PLEC: variants seen among roughly 807,000 people sequenced by gnomAD.
PLEC encodes the protein plectin.
A neutral mutation model predicts 392.8 loss-of-function variants in PLEC; 216 were observed. The ratio of observed to expected loss-of-function variants is 0.55; its 90% CI spans 0.49 to 0.62. The LOEUF is 0.62. PLEC is among the 20% of genes least tolerant of loss of function. The pLI is 0.00. For missense variants in PLEC, 6,863 were observed against 6,563.4 expected, an observed-to-expected ratio of 1.05 and a Z score of -1.58; for synonymous variants, 3,621 against 2,980.6, an observed-to-expected ratio of 1.21 and a Z score of -7.00.
intron 30 of PLEC, among the ~76,000 whole-genome samples, chr8:143,926,379 G>A (rs1454801124): frequency 6.6e-6 from 1 of 152,202 alleles, no homozygotes; most frequent in Admixed American, 6.5e-5. Flanking sequence ...CCACGCAGAA[G>A]GTAGGGAGAA....
upstream of PLEC, chr8:143,953,978 C>G (rs1161646831): frequency 2.1e-5 from 27 of 1,282,426 alleles, no homozygotes; most frequent in South Asian, 6.9e-5. Flanking sequence ...ACCCCTCCCC[C>G]CCAGCCTGTG....
intron 1 of PLEC, among the ~76,000 whole-genome samples, chr8:143,945,466 G>C (rs1197430628): frequency 6.6e-6 from 1 of 152,184 alleles, no homozygotes; most frequent in African/African-American, 2.4e-5. Flanking sequence ...ACAGGACGTG[G>C]GACACGCACA....
upstream of PLEC, among the ~76,000 whole-genome samples, chr8:143,958,306 C>G (rs1313243235): frequency 1.3e-5 from 2 of 152,132 alleles, no homozygotes; most frequent in Non-Finnish European, 2.9e-5. This position sits in a 1 kb window ranked among gnomAD's most constrained non-coding sequence, Gnocchi z 4.9. Flanking sequence ...ACCAGGGCTG[C>G]TGGGAGTCCC....
chr8:143,958,706 A>C (rs1463903464), upstream of PLEC: 6 of 450,776 alleles, frequency 1.3e-5, no homozygotes, highest in African/African-American at 1.2e-4. This position sits in a 1 kb window ranked among gnomAD's most constrained non-coding sequence, Gnocchi z 4.9. Flanking sequence ...GCTCTGCTGC[A>C]GCAGGGTGGA....
rs1554732193 is a variant in PLEC, at chr8:143,946,333, A to G, written c.523+3851T>C. ...CTCTCCTCTGCCTCCCACAGCCCCC[A>G]GCTCTGCCTGCCCTACCTTGGCCCA... On this transcript the variant is annotated intron_variant, in intron 1 of 31. Coordinates refer to the PLEC transcript ENST00000322810. The G allele has an allele frequency of 2.3e-6, 3 of 1,287,608 alleles. No individual in the cohort carries two copies. In the South Asian group the frequency reaches 3.7e-5, roughly 16 times the overall value. 79.8% of individuals were successfully genotyped at this position (1,287,608 alleles called of 1,614,324 possible). A position where few individuals can be genotyped will look rare whatever the true frequency, so the allele number is the denominator to read the frequency against.
upstream of PLEC, among the ~76,000 whole-genome samples, chr8:143,957,809 A>T (rs1204563820): frequency 2.0e-5 from 1 of 49,380 alleles, no homozygotes; most frequent in Non-Finnish European, 4.3e-5. Context: ...ACGCCCACCC[A>T]CCCACCCAGC....
rs1554722025 is a variant in PLEC at position 143,935,181 on chromosome 8, A to C, written c.718+17T>G. 3 of 1,611,584 alleles carry C rather than the reference A, an allele frequency of 1.9e-6. No homozygotes were observed. Among genetic ancestry groups the C allele is most frequent in the Non-Finnish European group, 2.5e-6 (3 of 1,178,922 alleles). On this transcript the variant is annotated intron_variant, in intron 7 of 31. Transcript: ENST00000345136. ...GCAGCAGGGGAAGGGACAGGGAGGAAGGCCACGCAGACGTACCCTCAGGGT... is the reference window on the plus strand; with the variant it reads ...GCAGCAGGGGAAGGGACAGGGAGGACGGCCACGCAGACGTACCCTCAGGGT...
Position 143,919,288 on chromosome 8 carries a change from G to C in PLEC, c.10533C>G (p.Gly3511=), listed in dbSNP as rs782720434. 1 of 1,614,046 alleles carries C rather than the reference G, an allele frequency of 6.2e-7. No individual in the cohort carries two copies. The highest frequency in any genetic ancestry group is 8.5e-7 in the Non-Finnish European group (1 of 1,180,042). ...VLADPSDDTK[G]FFDPNTHENL... is the part of the protein sequence containing the mutation. ...TCTCATGCGTGTTGGGGTCAAAGAA[G>C]CCCTTGGTGTCGTCGCTGGGGTCCG... The change falls in exon 32 of 32, where the codon GGC becomes GGG. Residue 3511 remains glycine, a synonymous_variant. Coordinates refer to ENST00000345136, the MANE Select transcript of PLEC (RefSeq NM_201384.3).
In PLEC at chr8:143,922,869, C is replaced by A. The variant is rs868954173; in HGVS notation, c.7060G>T (p.Ala2354Ser). The A allele has an allele frequency of 1.3e-6, 2 of 1,581,236 alleles. No individual in the cohort carries two copies. The highest frequency in any genetic ancestry group is 8.6e-7 in the Non-Finnish European group (1 of 1,164,872). The change falls in exon 31 of 32, where the codon GCG becomes TCG. Residue 2354 changes from alanine (A) to serine (S), a missense_variant. Ala to Ser is a moderately conservative substitution (Grantham distance 99). Transcript: ENST00000345136. The part of the protein sequence containing the change: ...RRLQEDKEQM[A>S]QQLAEETQGF... The stretch of plus-strand genomic sequence containing the variant: ...TGCGTCTCCTCCGCCAGCTGCTGCG[C>A]CATCTGCTCCTTGTCCTCCTGCAGC...
upstream of PLEC, among the ~76,000 whole-genome samples, chr8:143,955,029 G>A (rs781819626): frequency 1.9e-4 from 29 of 152,186 alleles, no homozygotes; most frequent in Admixed American, 3.3e-4. Flanking sequence ...AGGGCCAGAA[G>A]CCAGCCCCAC....
chr8:143,939,186 G>A (rs1426320264), intron 1 of PLEC, among the ~76,000 whole-genome samples, 164 bp downstream of exon 1: 4 of 152,184 alleles, frequency 2.6e-5, no homozygotes, highest in Non-Finnish European at 4.4e-5. Context: ...CCTCGCGGGC[G>A]CCTGTCGGCC....
At chr8:143,966,458 T>TGCCGCAGGCACATCCTCTCC (rs1833096414) in intron 1 of PLEC, among the ~76,000 whole-genome samples, 1 of 152,240 alleles carries the variant, frequency 6.6e-6, no homozygotes, top group South Asian at 2.1e-4. Context: ...CCGCCCTCTC[T>TGCCGCAGGCACATCCTCTCC]GCCGCAGGCA....
At chr8:143,971,519 A>G (rs1833430466) in intron 1 of PLEC, among the ~76,000 whole-genome samples, 1 of 152,054 alleles carries the variant, frequency 6.6e-6, no homozygotes, top group African/African-American at 2.4e-5. Flanking sequence ...GGGCTCACAG[A>G]GGTCAGGCCT....
chr8:143,958,048 T>G (rs886226798), upstream of PLEC, among the ~76,000 whole-genome samples: 1 of 152,138 alleles, frequency 6.6e-6, no homozygotes, highest in Non-Finnish European at 1.5e-5. The surrounding 1 kb of genome is among the most constrained non-coding windows in gnomAD (Gnocchi z 4.9). Context: ...CACAGACCCC[T>G]GCTCTGCTCC....
At chr8:143,926,156 GGAGA>G (rs782681817) in intron 30 of PLEC, among the ~76,000 whole-genome samples, 15 of 152,206 alleles carry the variant, frequency 9.9e-5, no homozygotes, top group African/African-American at 3.4e-4. Flanking sequence ...AGACGGACGG[GGAGA>G]GAGAGAGCAA....
At chr8:143,950,403 G>T (rs567356736) in exon 1 of PLEC, 272 of 1,605,782 alleles carry the variant, frequency 1.7e-4, no homozygotes, top group Non-Finnish European at 2.2e-4. Context: ...GCGACGGGGC[G>T]GCGCACGCGC....
At chr8:143,944,501 A>C, upstream of PLEC, 1 of 474,896 alleles carries the variant, frequency 2.1e-6, no homozygotes, top group Non-Finnish European at 3.7e-6. Flanking sequence ...ACCAGGGCTG[A>C]GGGGGTCTGG....
intron 9 of PLEC, 38 bp downstream of exon 9, chr8:143,934,772 G>C (rs1554721369): frequency 8.7e-6 from 14 of 1,611,982 alleles, no homozygotes; most frequent in Non-Finnish European, 1.2e-5. Context: ...CGGGCTCTCA[G>C]GGCAGGCCCA....
upstream of PLEC, chr8:143,942,409 T>G (rs782621875): frequency 5.6e-6 from 9 of 1,606,970 alleles, no homozygotes; most frequent in Non-Finnish European, 7.6e-6. Context: ...GCACAGCTGC[T>G]GGTAGAGGTA....
Sources: allele counts gnomAD v4.1 joint callset (sites outside exome capture counted in the v4.1 genomes callset), GRCh38; gene constraint gnomAD v4.1.1; non-coding constraint Gnocchi (gnomAD v3.1); transcripts MANE v1.5; gene names NCBI Gene and HGNC (gene_info 2026-07-23, HGNC 2026-07-21).